Variants in ZBTB20 observed in about 807,000 individuals in gnomAD.
ZBTB20 encodes zinc finger and BTB domain-containing protein 20.
In ZBTB20, 9 loss-of-function variants were observed where a neutral mutation model predicts 56.9. The observed-to-expected ratio is 0.16, with a 90% CI of 0.10 to 0.28. The LOEUF is 0.28. Ranked by LOEUF, ZBTB20 falls within the 10% of genes least tolerant of loss-of-function variation. ZBTB20 has a pLI of 1.00. For missense variants in ZBTB20, 655 were observed against 1,003.0 expected, an observed-to-expected ratio of 0.65 and a Z score of 4.69; for synonymous variants, 417 against 420.7, an observed-to-expected ratio of 0.99 and a Z score of 0.11.
intron 7 of ZBTB20, among the ~76,000 whole-genome samples, chr3:114,437,331 A>C (rs2090585104): frequency 6.6e-6 from 1 of 152,148 alleles, no homozygotes; most frequent in South Asian, 2.1e-4. Context: ...GCTGTTGCTC[A>C]ACAGGCGGTC....
chr3:114,749,719 G>C (rs939597892), intron 5 of ZBTB20, among the ~76,000 whole-genome samples: 1 of 152,212 alleles, frequency 6.6e-6, no homozygotes, highest in Non-Finnish European at 1.5e-5. Flanking sequence ...TGGAAATGGA[G>C]AAAGGATGAA....
At chr3:114,797,875 T>C (rs2071429642) in intron 5 of ZBTB20, among the ~76,000 whole-genome samples, 1 of 151,870 alleles carries the variant, frequency 6.6e-6, no homozygotes. Flanking sequence ...AAGACCTGGA[T>C]GGGTTAAAAT....
intron 2 of ZBTB20, among the ~76,000 whole-genome samples, chr3:115,054,873 T>TA (rs1260724027): frequency 6.6e-6 from 1 of 152,140 alleles, no homozygotes; most frequent in Non-Finnish European, 1.5e-5. Context: ...TATAGTGACT[T>TA]ACAGGCATCA....
intron 7 of ZBTB20, among the ~76,000 whole-genome samples, chr3:114,487,511 G>C (rs1344381766): frequency 6.6e-6 from 1 of 152,128 alleles, no homozygotes. Flanking sequence ...CTGCCAAAGA[G>C]GGGGAAAAAT....
At chr3:114,968,357 AC>A in intron 3 of ZBTB20, among the ~76,000 whole-genome samples, 1 of 152,216 alleles carries the variant, frequency 6.6e-6, no homozygotes, top group East Asian at 1.9e-4. Flanking sequence ...ACCTTAAAAA[AC>A]TGATTATTTG....
At chr3:115,144,106 T>C (rs559107940) in intron 1 of ZBTB20, among the ~76,000 whole-genome samples, 1 of 152,352 alleles carries the variant, frequency 6.6e-6, no homozygotes, top group African/African-American at 2.4e-5. Flanking sequence ...ATATGATTAT[T>C]TCAGAGACTA....
chr3:114,590,218 G>A (rs2055600924), intron 6 of ZBTB20, among the ~76,000 whole-genome samples: 1 of 152,134 alleles, frequency 6.6e-6, no homozygotes, highest in Non-Finnish European at 1.5e-5. Flanking sequence ...ATTTTGGGAG[G>A]GCGAGGCGGG....
chr3:114,393,152 G>T (rs1379497650), intron 7 of ZBTB20, among the ~76,000 whole-genome samples: 1 of 152,214 alleles, frequency 6.6e-6, no homozygotes, highest in Non-Finnish European at 1.5e-5. Flanking sequence ...CACACAAACA[G>T]CAAAATGGGC....
chr3:114,613,883 T>TA (rs1440265163), intron 6 of ZBTB20, among the ~76,000 whole-genome samples: 1 of 152,106 alleles, frequency 6.6e-6, no homozygotes, highest in Non-Finnish European at 1.5e-5. Flanking sequence ...AGCAGCTGTT[T>TA]ATTGAGTGCT....
chr3:114,816,749 T>C (rs1300587794), intron 4 of ZBTB20, among the ~76,000 whole-genome samples: 1 of 152,160 alleles, frequency 6.6e-6, no homozygotes, highest in Non-Finnish European at 1.5e-5. Flanking sequence ...TGTTAACTCT[T>C]TGTGAATAGT....
At chr3:114,496,077 A>G (rs1312655493) in intron 7 of ZBTB20, among the ~76,000 whole-genome samples, 1 of 152,122 alleles carries the variant, frequency 6.6e-6, no homozygotes, top group Non-Finnish European at 1.5e-5. Context: ...TCACAAAAAG[A>G]GTGGTTTCCA....
intron 6 of ZBTB20, among the ~76,000 whole-genome samples, chr3:114,571,231 C>T (rs1043331514): frequency 1.3e-5 from 2 of 152,104 alleles, no homozygotes; most frequent in Admixed American, 6.5e-5. Flanking sequence ...TTGACTAAAT[C>T]GAAGCATGCG....
At chr3:114,450,225 T>A (rs1319000303) in intron 7 of ZBTB20, among the ~76,000 whole-genome samples, 1 of 152,210 alleles carries the variant, frequency 6.6e-6, no homozygotes, top group East Asian at 1.9e-4. Flanking sequence ...GGTGTGTGTT[T>A]AAAACTATGA....
rs772912077 is a variant in ZBTB20, at chr3:114,886,607, A to T, written c.-417+13697T>A. On this transcript the variant is annotated intron_variant, in intron 4 of 11. Transcript: ENST00000675478. ...TTGGCATCTCAACACACATGGATTG[A>T]CAGAAAAGTTGGATGATACCAATGT... Among the ~76,000 whole-genome samples the T allele has an allele frequency of 2.0e-5, 3 of 152,362 alleles. No homozygotes were observed. The South Asian group carries it at 6.2e-4, about 32-fold the overall frequency.
At chr3:114,914,184 A>C (rs2075652287) in intron 3 of ZBTB20, among the ~76,000 whole-genome samples, 1 of 152,008 alleles carries the variant, frequency 6.6e-6, no homozygotes, top group African/African-American at 2.4e-5. Flanking sequence ...GCATTTTAAC[A>C]ATGTTGATCC....
In ZBTB20 at chr3:114,318,410, G is replaced by GT. The variant is rs2078771490; in HGVS notation, c.*20594dup. The GT allele has an allele frequency of 6.6e-6, 1 of 152,488 alleles. No individual in the cohort carries two copies. Among genetic ancestry groups the GT allele is most frequent in the South Asian group, 2.1e-4 (1 of 4,836 alleles). 9.4% of individuals were successfully genotyped at this position (152,488 alleles called of 1,614,324 possible). On this transcript the variant is annotated 3_prime_UTR_variant, in exon 12 of 12. Coordinates refer to ENST00000675478, the MANE Select transcript of ZBTB20 (RefSeq NM_001348800.3). ...GCCAGGCTAGGGAACGATGATAACAGTAACAGGAGGGTCTCAGAAGCAGAG... is the reference window on the plus strand; with the variant it reads ...GCCAGGCTAGGGAACGATGATAACAGTTAACAGGAGGGTCTCAGAAGCAGAG...
At chr3:114,450,116 T>C (rs1402235849) in intron 7 of ZBTB20, among the ~76,000 whole-genome samples, 2 of 152,196 alleles carry the variant, frequency 1.3e-5, no homozygotes, top group African/African-American at 4.8e-5. Context: ...TCTCGCCTTT[T>C]TCCCTTCTGG....
At chr3:114,342,071 T>C (rs2079821785) in intron 11 of ZBTB20, among the ~76,000 whole-genome samples, 1 of 152,220 alleles carries the variant, frequency 6.6e-6, no homozygotes, top group African/African-American at 2.4e-5. Context: ...GGTGCTGTGA[T>C]GGTGAAGTGT....
chr3:115,004,744 A>C (rs976293305), intron 2 of ZBTB20, among the ~76,000 whole-genome samples: 1 of 151,700 alleles, frequency 6.6e-6, no homozygotes, highest in Non-Finnish European at 1.5e-5. Flanking sequence ...TTATAATATA[A>C]TTTTGGATTA....
Sources: allele counts gnomAD v4.1 joint callset (sites outside exome capture counted in the v4.1 genomes callset), GRCh38; gene constraint gnomAD v4.1.1; transcripts MANE v1.5; gene names NCBI Gene and HGNC (gene_info 2026-07-23, HGNC 2026-07-21).